The following LY86 variants were observed in gnomAD, a reference collection of about 807,000 sequenced individuals.
LY86 encodes MD-1, RP105-associated.
LY86 carries 20 observed loss-of-function variants against 17.3 expected under a neutral mutation model. The ratio of observed to expected loss-of-function variants is 1.15; its 90% confidence interval spans 0.81 to 1.68. The LOEUF (loss-of-function observed/expected upper bound fraction) is 1.68. Ranked by LOEUF, LY86 falls within the 40% of genes most tolerant of loss-of-function variation. The probability of loss-of-function intolerance (pLI) is 0.00; values close to 1 mark genes in which losing one functional copy is unlikely to be tolerated. For synonymous variants in LY86, 74 were observed against 70.6 expected, an observed-to-expected ratio of 1.05 and a Z score of -0.24; for missense variants, 200 against 191.9, an observed-to-expected ratio of 1.04 and a Z score of -0.25.
chr6:6,617,588 T>C (rs764844997), intron 1 of LY86, among the ~76,000 whole-genome samples: 1 of 152,232 alleles, frequency 6.6e-6, no homozygotes, highest in African/African-American at 2.4e-5. Context: ...CCAGAAGCAT[T>C]TCTGATTTGT....
intron 4 of LY86, among the ~76,000 whole-genome samples, chr6:6,652,907 T>C (rs1172933142): frequency 6.6e-6 from 1 of 152,204 alleles, no homozygotes; most frequent in Non-Finnish European, 1.5e-5. Flanking sequence ...TGTTGTTCAA[T>C]ACATTTGTAG....
intron 1 of LY86, among the ~76,000 whole-genome samples, chr6:6,604,989 A>C (rs976068700): frequency 1.3e-5 from 2 of 152,092 alleles, no homozygotes; most frequent in African/African-American, 4.8e-5. Flanking sequence ...AATTCTACAT[A>C]CAGTATAGTT....
chr6:6,644,512 CAA>C (rs879696346), intron 3 of LY86, among the ~76,000 whole-genome samples: 1 of 141,946 alleles, frequency 7.0e-6, no homozygotes. Flanking sequence ...GACCCTGTTT[CAA>C]AAAAAAAAAG....
rs5743651 is a variant in LY86 at position 6,649,634 on chromosome 6, A to G, written c.362A>G (p.Tyr121Cys). 1.5e-3 allele frequency: 2,332 copies of G among 1,566,798 alleles called. 4 individuals are homozygous for G. Among genetic ancestry groups the G allele is most frequent in the Non-Finnish European group, 1.9e-3 (2,137 of 1,144,500 alleles). ...FCGRRKGEQI[Y>C]YAGPVNNPEF... is the part of the protein sequence containing the mutation. ...TTATATATTTTTTCAGAGCAGATTTACTATGCTGGGCCTGTCAATAATCCT... is the reference window on the plus strand; with the variant it reads ...TTATATATTTTTTCAGAGCAGATTTGCTATGCTGGGCCTGTCAATAATCCT... Residue 121 changes from tyrosine (Y) to cysteine (C), a missense_variant, in exon 4 of 5, where the codon TAC becomes TGC. Physicochemically the swap from Tyr to Cys is radical, Grantham distance 194. Transcript: ENST00000230568.
intron 3 of LY86, among the ~76,000 whole-genome samples, chr6:6,648,474 C>T (rs1762138830): frequency 6.6e-6 from 1 of 152,116 alleles, no homozygotes; most frequent in Non-Finnish European, 1.5e-5. Flanking sequence ...AACTCTTTTC[C>T]ACATCAAGGC....
intron 1 of LY86, among the ~76,000 whole-genome samples, chr6:6,603,918 A>G (rs1761007839): frequency 6.6e-6 from 1 of 152,060 alleles, no homozygotes; most frequent in Admixed American, 6.5e-5. Context: ...GCAAAACAGA[A>G]AACAAAAAAA....
chr6:6,602,308 G>A (rs1033662229), intron 1 of LY86, among the ~76,000 whole-genome samples: 1 of 152,210 alleles, frequency 6.6e-6, no homozygotes, highest in African/African-American at 2.4e-5. Flanking sequence ...GGAATTGCTA[G>A]ATTTGATAAC....
At chr6:6,615,719 CAAAAAAAAAAA>C (rs373207405) in intron 1 of LY86, among the ~76,000 whole-genome samples, 1 of 91,746 alleles carries the variant, frequency 1.1e-5, no homozygotes, top group East Asian at 3.0e-4. Context: ...GATGTTGTCT[CAAAAAAAAAAA>C]AAAAAAAAAG....
chr6:6,617,519 T>C (rs948993972), intron 1 of LY86, among the ~76,000 whole-genome samples: 2 of 152,236 alleles, frequency 1.3e-5, no homozygotes, highest in African/African-American at 4.8e-5. Flanking sequence ...TTTGTTGAGT[T>C]TATTATTCAG....
At chr6:6,613,410 G>T (rs374259582) in intron 1 of LY86, among the ~76,000 whole-genome samples, 1 of 152,352 alleles carries the variant, frequency 6.6e-6, no homozygotes, top group African/African-American at 2.4e-5. Flanking sequence ...CAGGCATGGT[G>T]GGCTGCAGGT....
chr6:6,638,176 A>AG (rs1761987988), intron 3 of LY86, among the ~76,000 whole-genome samples: 1 of 152,242 alleles, frequency 6.6e-6, no homozygotes, highest in Non-Finnish European at 1.5e-5. Context: ...TCCAAAGTGA[A>AG]ATGTACAGAA....
At position 6,626,421 on chromosome 6, in the gene LY86, G is replaced by T. The variant is rs1761789744; in HGVS notation, c.352G>T (p.Glu118Ter). Reference sequence around the variant, plus strand: ...TTCTTTCTGTGGAAGAAGGAAAGGAGGTAAGCCATCTGTCTTGCTCACTGC... The same window carrying T: ...TTCTTTCTGTGGAAGAAGGAAAGGATGTAAGCCATCTGTCTTGCTCACTGC... ...KFSFCGRRKGEQIYYAGPVNN... is the reference protein window; with the variant it reads ...KFSFCGRRKG Residue 118 changes from glutamate to a stop codon, truncating the protein, a stop_gained and splice_region_variant, in exon 3 of 5, where the codon GAG becomes TAG. Coordinates refer to ENST00000230568, the MANE Select transcript of LY86 (RefSeq NM_004271.4). LOFTEE classifies it high-confidence loss of function. 6.2e-7 allele frequency: 1 copy of T among 1,613,460 alleles called. No individual in the cohort carries two copies. The highest frequency in any genetic ancestry group is 1.7e-5 in the Admixed American group (1 of 60,000).
chr6:6,602,158 TCAC>T (rs1304929206), intron 1 of LY86, among the ~76,000 whole-genome samples: 6 of 152,222 alleles, frequency 3.9e-5, no homozygotes, highest in Non-Finnish European at 8.8e-5. Flanking sequence ...CAAAATGGTG[TCAC>T]CACATGAGTC....
At chr6:6,635,847 A>G (rs571861401) in intron 3 of LY86, among the ~76,000 whole-genome samples, 1 of 152,230 alleles carries the variant, frequency 6.6e-6, no homozygotes, top group East Asian at 1.9e-4. Context: ...AAATTGCACT[A>G]TTTCACCTGC....
At chr6:6,628,179 A>G (rs1761831357) in intron 3 of LY86, among the ~76,000 whole-genome samples, 1 of 151,820 alleles carries the variant, frequency 6.6e-6, no homozygotes, top group Non-Finnish European at 1.5e-5. Flanking sequence ...TCCCTATTTA[A>G]CTTTTTCCAC....
At chr6:6,633,359 A>G (rs1761921023) in intron 3 of LY86, among the ~76,000 whole-genome samples, 1 of 152,204 alleles carries the variant, frequency 6.6e-6, no homozygotes, top group South Asian at 2.1e-4. Context: ...TAGAATGAAC[A>G]CATGATTTTC....
Position 6,654,747 on chromosome 6 carries a change from G to T in LY86, c.*120G>T, listed in dbSNP as rs963019579. ...ACAGAGAGAGGCTCTACAAAGAAGC[G>T]CCCCCAAAGAGTGCAGCTGCTAATT... On this transcript the variant is annotated 3_prime_UTR_variant, in exon 5 of 5. Coordinates refer to ENST00000230568, the MANE Select transcript of LY86 (RefSeq NM_004271.4). The T allele has an allele frequency of 1.2e-6, 1 of 807,154 alleles. No homozygotes were observed. The highest frequency in any genetic ancestry group is 2.0e-6 in the Non-Finnish European group (1 of 497,062). The allele number at this position is 807,154 out of a possible 1,614,324, so 50.0% of individuals were successfully genotyped here. A position where few individuals can be genotyped will look rare whatever the true frequency, so the allele number is the denominator to read the frequency against.
At chr6:6,597,273 G>A (rs1422767145) in intron 1 of LY86, among the ~76,000 whole-genome samples, 3 of 152,160 alleles carry the variant, frequency 2.0e-5, no homozygotes, top group Non-Finnish European at 4.4e-5. Context: ...TGCAGCCAGC[G>A]CTCCTGGCAG....
intron 1 of LY86, among the ~76,000 whole-genome samples, chr6:6,597,349 T>C (rs555463408): frequency 2.6e-4 from 40 of 152,240 alleles, no homozygotes; most frequent in Middle Eastern, 3.4e-3. Flanking sequence ...TCGATCCTAA[T>C]TAGAGCAGTC....
Sources: allele counts gnomAD v4.1 joint callset (sites outside exome capture counted in the v4.1 genomes callset), GRCh38; gene constraint gnomAD v4.1.1; transcripts MANE v1.5; gene names NCBI Gene and HGNC (gene_info 2026-07-23, HGNC 2026-07-21).